GRM7: variants seen among roughly 807,000 people sequenced by gnomAD.
GRM7 encodes metabotropic glutamate receptor 7.
A neutral mutation model predicts 84.5 loss-of-function variants in GRM7; 35 were observed. The observed-to-expected ratio is 0.41, with a 90% CI of 0.32 to 0.55. GRM7 has a LOEUF of 0.55. GRM7 is among the 20% of genes least tolerant of loss of function. The pLI, the probability that GRM7 is intolerant of heterozygous loss-of-function variation, is 0.19. For synonymous variants in GRM7, 487 were observed against 455.1 expected (o/e 1.07, Z -0.89); for missense variants, 1,003 against 1,194.6 (o/e 0.84, Z 2.36).
At chr3:6,929,533 A>ATT (rs146699255) in intron 1 of GRM7, among the ~76,000 whole-genome samples, 2 of 151,502 alleles carry the variant, frequency 1.3e-5, no homozygotes, top group Admixed American at 6.6e-5. Flanking sequence ...TTTTTACTTT[A>ATT]TTTTTTTTTC....
intron 7 of GRM7, among the ~76,000 whole-genome samples, chr3:7,523,993 T>A (rs1460754510): frequency 6.6e-6 from 1 of 152,110 alleles, no homozygotes; most frequent in African/African-American, 2.4e-5. Context: ...AAGCCCCTCT[T>A]CTATCTTGCT....
chr3:7,110,724 T>G (rs2125033419), intron 1 of GRM7, among the ~76,000 whole-genome samples: 1 of 152,166 alleles, frequency 6.6e-6, no homozygotes, highest in East Asian at 1.9e-4. Flanking sequence ...AATTTCCAGA[T>G]GCTAGGTTGA....
chr3:7,067,003 G>C (rs1201544166), intron 1 of GRM7, among the ~76,000 whole-genome samples: 1 of 151,780 alleles, frequency 6.6e-6, no homozygotes, highest in Admixed American at 6.6e-5. Context: ...CAGCAAAATG[G>C]CATACAAAGG....
At chr3:7,637,544 A>G (rs1166555600) in intron 8 of GRM7, among the ~76,000 whole-genome samples, 1 of 152,228 alleles carries the variant, frequency 6.6e-6, no homozygotes, top group Non-Finnish European at 1.5e-5. Flanking sequence ...TAGAAAAATA[A>G]AATTTGGTTT....
At chr3:7,686,211 A>T (rs1458442324) in intron 9 of GRM7, 1 of 502,736 alleles carries the variant, frequency 2.0e-6, no homozygotes, top group Non-Finnish European at 3.6e-6. Flanking sequence ...CTGGTCTACC[A>T]AAGGATATTG....
intron 3 of GRM7, among the ~76,000 whole-genome samples, chr3:7,306,264 A>C (rs1359226968): frequency 1.3e-5 from 2 of 152,122 alleles, no homozygotes; most frequent in Admixed American, 1.3e-4. Context: ...ATTTGTATTT[A>C]TCTTTTTATC....
intron 8 of GRM7, among the ~76,000 whole-genome samples, chr3:7,634,446 G>A (rs780216325): frequency 7.0e-4 from 87 of 123,490 alleles, no homozygotes; most frequent in Non-Finnish European, 1.2e-3. Context: ...ACTAAGGGTT[G>A]AATGATGGAA....
At chr3:7,179,624 G>A (rs369626328) in intron 2 of GRM7, among the ~76,000 whole-genome samples, 1 of 152,194 alleles carries the variant, frequency 6.6e-6, no homozygotes, top group Non-Finnish European at 1.5e-5. Context: ...TGAACTAACA[G>A]GAGTCGGTTG....
chr3:6,940,446 C>T (rs1167772273), intron 1 of GRM7, among the ~76,000 whole-genome samples: 1 of 152,172 alleles, frequency 6.6e-6, no homozygotes, highest in Non-Finnish European at 1.5e-5. Flanking sequence ...GTTTTTCTAT[C>T]AGATCTTATG....
chr3:7,233,643 A>G (rs1697262296), intron 2 of GRM7, among the ~76,000 whole-genome samples: 1 of 152,188 alleles, frequency 6.6e-6, no homozygotes, highest in Non-Finnish European at 1.5e-5. Flanking sequence ...TTTATTCAAT[A>G]CCTGCTCTGT....
intron 1 of GRM7, among the ~76,000 whole-genome samples, chr3:7,025,893 G>T (rs557885320): frequency 6.6e-6 from 1 of 152,244 alleles, no homozygotes; most frequent in East Asian, 1.9e-4. Flanking sequence ...GGAGTGTCTG[G>T]CATCAGAAGT....
At position 7,229,722 on chromosome 3, in the gene GRM7, CACACATAT is replaced by C. The variant is rs1430823842; in HGVS notation, c.737-68960_737-68953del. Among the ~76,000 whole-genome samples the C allele has an allele frequency of 5.4e-3, 140 of 25,760 alleles. 14 individuals carry two copies. The highest frequency in any genetic ancestry group is 0.015 in the East Asian group (4 of 262). 16.9% of individuals were successfully genotyped at this position (25,760 alleles called of 152,430 possible). On this transcript the variant is annotated intron_variant, in intron 2 of 9. Coordinates refer to ENST00000357716, the MANE Select transcript of GRM7 (RefSeq NM_000844.4). The stretch of plus-strand genomic sequence containing the variant: ...TCCCCAACCCCGCTCTCCATAGACA[CACACATAT>C]ATATATATATATATATATATATATA...
At chr3:6,941,590 T>C (rs1033447269) in intron 1 of GRM7, among the ~76,000 whole-genome samples, 124 of 152,334 alleles carry the variant, frequency 8.1e-4, no homozygotes, top group African/African-American at 2.9e-3. Context: ...GATTTTCAAC[T>C]GATTTAGACA....
chr3:7,175,446 ACTT>A (rs1695114308), intron 2 of GRM7, among the ~76,000 whole-genome samples: 1 of 152,242 alleles, frequency 6.6e-6, no homozygotes, highest in African/African-American at 2.4e-5. Context: ...TTATTGTGTC[ACTT>A]CTTCATTTGG....
chr3:7,536,683 A>G lies in GRM7; in HGVS notation c.1516-41739A>G, dbSNP rs114013799. Among the ~76,000 whole-genome samples, 312 of 152,260 alleles carry G rather than the reference A, an allele frequency of 2.0e-3. 3 individuals carry two copies. Among genetic ancestry groups the G allele is most frequent in the African/African-American group, 6.5e-3 (272 of 41,556 alleles). ...CAGCCAACTGCCATTGAGGAAGCCA[A>G]ATGCACAGGCTCATTTGGCTCATAT... On this transcript the variant is annotated intron_variant, in intron 7 of 9. Coordinates refer to ENST00000357716, the MANE Select transcript of GRM7 (RefSeq NM_000844.4).
intron 7 of GRM7, among the ~76,000 whole-genome samples, chr3:7,534,912 G>C (rs1394712115): frequency 6.6e-6 from 1 of 152,096 alleles, no homozygotes. Context: ...TGTTCTGGGG[G>C]GTGGTTGATT....
At chr3:7,607,845 C>T (rs988197036) in intron 8 of GRM7, 1 of 155,486 alleles carries the variant, frequency 6.4e-6, no homozygotes. Context: ...GTATTAAGCC[C>T]AGTAACCAAT....
At chr3:7,437,329 A>G (rs1216115618) in intron 5 of GRM7, among the ~76,000 whole-genome samples, 1 of 151,984 alleles carries the variant, frequency 6.6e-6, no homozygotes, top group Non-Finnish European at 1.5e-5. Flanking sequence ...TTCTCTATCC[A>G]CTTCTCTCTC....
chr3:7,400,413 G>A (rs1695399854), intron 4 of GRM7, among the ~76,000 whole-genome samples: 1 of 152,122 alleles, frequency 6.6e-6, no homozygotes, highest in East Asian at 1.9e-4. Flanking sequence ...ATGCCTGTGA[G>A]ATAACATCCT....
Sources: gnomAD v4.1 joint callset for allele counts (sites outside exome capture counted in the v4.1 genomes callset) on GRCh38, gnomAD v4.1.1 for gene constraint, MANE v1.5 for transcripts, NCBI Gene and HGNC (gene_info 2026-07-23, HGNC 2026-07-21) for gene names.